The following FSHR variants were observed in gnomAD, a reference collection of about 807,000 sequenced individuals.
The protein encoded by FSHR is follicle-stimulating hormone receptor.
A neutral mutation model predicts 52.1 loss-of-function variants in FSHR; 46 were observed. That is an observed-to-expected ratio of 0.88 (90% CI 0.70 to 1.13). The LOEUF (loss-of-function observed/expected upper bound fraction) is 1.13. Among genes scored for constraint, FSHR ranks in the 50% most tolerant of loss-of-function variants. FSHR has a pLI of 0.00. For synonymous variants in FSHR, 399 were observed against 309.6 expected (o/e 1.29, Z -3.03); for missense variants, 964 against 834.6 (o/e 1.16, Z -1.91).
At chr2:48,997,164 A>C in intron 4 of FSHR, 1 of 949,432 alleles carries the variant, frequency 1.1e-6, no homozygotes, top group African/African-American at 1.8e-5. Context: ...GGATAACACC[A>C]AACAGTTCAC....
chr2:49,077,186 A>T (rs952300786), intron 1 of FSHR, among the ~76,000 whole-genome samples: 8 of 152,248 alleles, frequency 5.3e-5, no homozygotes, highest in Admixed American at 4.6e-4. Context: ...CTGCCTGGGC[A>T]TCCAGGTGTT....
chr2:48,980,108 T>C (rs1675179915), intron 8 of FSHR, among the ~76,000 whole-genome samples: 4 of 152,188 alleles, frequency 2.6e-5, no homozygotes. Flanking sequence ...TGGACTGATC[T>C]GAAAGCCCCA....
chr2:49,055,535 A>C (rs1669026396), intron 2 of FSHR, among the ~76,000 whole-genome samples: 2 of 47,976 alleles, frequency 4.2e-5, no homozygotes, highest in Admixed American at 3.0e-4. Flanking sequence ...GAAGCTCAAA[A>C]AAAAAAAAAA....
chr2:49,033,879 C>G (rs71407540), intron 2 of FSHR, among the ~76,000 whole-genome samples: 2 of 152,086 alleles, frequency 1.3e-5, no homozygotes, highest in Non-Finnish European at 2.9e-5. Context: ...ATTTTTAGAG[C>G]TTTAAGTCCT....
chr2:49,027,611 A>T (rs1415356026), intron 2 of FSHR, among the ~76,000 whole-genome samples: 1 of 152,182 alleles, frequency 6.6e-6, no homozygotes, highest in Non-Finnish European at 1.5e-5. Context: ...GCACTTTGGG[A>T]GGCCGAGGTG....
chr2:49,146,586 C>T (rs1558467263), intron 1 of FSHR, among the ~76,000 whole-genome samples: 1 of 152,038 alleles, frequency 6.6e-6, no homozygotes, highest in Admixed American at 6.6e-5. Flanking sequence ...AACATGCTCA[C>T]TCTCTAAATC....
At chr2:49,077,986 C>T (rs1478594281) in intron 1 of FSHR, among the ~76,000 whole-genome samples, 1 of 152,128 alleles carries the variant, frequency 6.6e-6, no homozygotes. Context: ...CTGTCTTCTG[C>T]CTGTTTCCAA....
intron 1 of FSHR, among the ~76,000 whole-genome samples, chr2:49,083,816 C>T (rs1237993259): frequency 6.8e-6 from 1 of 146,254 alleles, no homozygotes. Context: ...ATATATGCAC[C>T]CAATACAGGA....
chr2:49,063,830 G>A (rs1669404902), intron 2 of FSHR, among the ~76,000 whole-genome samples: 3 of 152,008 alleles, frequency 2.0e-5, no homozygotes, highest in Non-Finnish European at 1.5e-5. Flanking sequence ...GATTTTGAAT[G>A]TTTCCAAAAC....
chr2:49,086,889 C>T (rs1670413480), intron 1 of FSHR, among the ~76,000 whole-genome samples: 2 of 152,034 alleles, frequency 1.3e-5, no homozygotes, highest in African/African-American at 4.8e-5. Flanking sequence ...CTGCCTTGGC[C>T]TCCCAAAGTG....
chr2:49,109,722 C>A (rs545496072), intron 1 of FSHR, among the ~76,000 whole-genome samples: 1 of 152,278 alleles, frequency 6.6e-6, no homozygotes, highest in East Asian at 1.9e-4. Context: ...TTCTAAAAAT[C>A]TTCTCCAGTA....
chr2:48,983,658 G>A (rs1573044074), intron 6 of FSHR, among the ~76,000 whole-genome samples: 1 of 152,200 alleles, frequency 6.6e-6, no homozygotes, highest in African/African-American at 2.4e-5. Flanking sequence ...CATCAAAAGT[G>A]ATCTAATTAA....
At chr2:49,075,083 A>T (rs893168015) in intron 1 of FSHR, among the ~76,000 whole-genome samples, 1 of 152,144 alleles carries the variant, frequency 6.6e-6, no homozygotes, top group Non-Finnish European at 1.5e-5. Flanking sequence ...AAAGGATACA[A>T]AATTATAGCT....
At chr2:49,011,379 A>C (rs1035363546) in intron 4 of FSHR, among the ~76,000 whole-genome samples, 18 of 152,008 alleles carry the variant, frequency 1.2e-4, no homozygotes, top group South Asian at 2.1e-4. Context: ...TTTGATTGCA[A>C]TGTGGTCTGA....
At chr2:49,002,768 C>T (rs182963040) in intron 4 of FSHR, among the ~76,000 whole-genome samples, 292 of 152,164 alleles carry the variant, frequency 1.9e-3, no homozygotes, top group African/African-American at 6.5e-3. Context: ...ACCATATCAC[C>T]CCGGGAGGCC....
At chr2:49,049,837 ATAT>A (rs1404592912) in intron 2 of FSHR, among the ~76,000 whole-genome samples, 1 of 44,062 alleles carries the variant, frequency 2.3e-5, no homozygotes, top group Non-Finnish European at 7.6e-5. Context: ...ATATATATAT[ATAT>A]ATATATATAT....
intron 2 of FSHR, among the ~76,000 whole-genome samples, chr2:49,043,585 T>C (rs1357418917): frequency 6.6e-6 from 1 of 152,216 alleles, no homozygotes; most frequent in East Asian, 1.9e-4. Flanking sequence ...TGTTCTACAC[T>C]GACTACTGCA....
chr2:49,016,559 G>C (rs59620349), intron 4 of FSHR, among the ~76,000 whole-genome samples: 2,156 of 152,262 alleles, frequency 0.014, 37 homozygotes, highest in Middle Eastern at 0.048. Context: ...AGGCCATCCA[G>C]AGTGGCCAAC....
chr2:49,003,142 G>C (rs1451054003), intron 4 of FSHR, among the ~76,000 whole-genome samples: 1 of 152,170 alleles, frequency 6.6e-6, no homozygotes, highest in African/African-American at 2.4e-5. Context: ...TGCGATGTCT[G>C]TTGAAGATGA....
Sources: gnomAD v4.1 joint callset for allele counts (sites outside exome capture counted in the v4.1 genomes callset) on GRCh38, gnomAD v4.1.1 for gene constraint, MANE v1.5 for transcripts, NCBI Gene and HGNC (gene_info 2026-07-23, HGNC 2026-07-21) for gene names.